Variants in ZDHHC2 observed in about 807,000 individuals in gnomAD.
The protein encoded by ZDHHC2 is palmitoyltransferase ZDHHC2.
A neutral mutation model predicts 55.6 loss-of-function variants in ZDHHC2; 51 were observed. The ratio of observed to expected loss-of-function variants is 0.92; its 90% CI spans 0.73 to 1.16. ZDHHC2 has a LOEUF of 1.16. ZDHHC2 is among the 50% of genes most tolerant of loss of function. ZDHHC2 has a pLI of 0.00. For synonymous variants in ZDHHC2, 199 were observed against 152.9 expected, an observed-to-expected ratio of 1.30 and a Z score of -2.22; for missense variants, 491 against 442.4, an observed-to-expected ratio of 1.11 and a Z score of -0.99.
At chr8:17,184,691 GA>G in intron 1 of ZDHHC2, 97 bp from the exon 2 acceptor site, 1 of 973,056 alleles carries the variant, frequency 1.0e-6, no homozygotes, top group Non-Finnish European at 1.5e-6. Flanking sequence ...GGTTTGAAGG[GA>G]AGCCACATTA....
intron 6 of ZDHHC2, among the ~76,000 whole-genome samples, chr8:17,204,057 C>T (rs779488345): frequency 2.7e-4 from 41 of 152,192 alleles, no homozygotes; most frequent in Non-Finnish European, 3.2e-4. Flanking sequence ...CTGCCTGCCT[C>T]GGCCACCCAA....
intron 3 of ZDHHC2, among the ~76,000 whole-genome samples, chr8:17,189,504 A>G (rs1401636957): frequency 6.6e-6 from 1 of 152,208 alleles, no homozygotes; most frequent in Non-Finnish European, 1.5e-5. Context: ...GGTACTCAAG[A>G]GATACTTTTT....
chr8:17,170,558 C>G (rs371478668), intron 1 of ZDHHC2, among the ~76,000 whole-genome samples: 1 of 152,180 alleles, frequency 6.6e-6, no homozygotes. Context: ...TCATATAGTA[C>G]TCAACATATA....
chr8:17,163,292 G>A lies in ZDHHC2; in HGVS notation c.130+6439G>A, dbSNP rs140359713. ...CCAGCCTGGTAACAGCGGGTCCAGT[G>A]TTCCAGCCTGGGCAGTGTCCAGCTG... On this transcript the variant is annotated intron_variant, in intron 1 of 12. Coordinates refer to ENST00000262096, the MANE Select transcript of ZDHHC2 (RefSeq NM_016353.5). Among the ~76,000 whole-genome samples, 6 of 152,294 alleles carry A rather than the reference G, an allele frequency of 3.9e-5. No homozygotes were observed. In the East Asian group the frequency reaches 1.2e-3, roughly 30 times the overall value.
Position 17,195,562 on chromosome 8 carries a change from A to G in ZDHHC2, c.311A>G (p.His104Arg), listed in dbSNP as rs1563158164. The change falls in exon 4 of 13, where the codon CAT becomes CGT. Residue 104 changes from histidine (H) to arginine (R), a missense_variant. Transcript: ENST00000262096. ...LLEREPRGEA[H>R]QEVLRRAAKD... ...GAGAGAGAGCCAAGAGGAGAAGCCCATCAGGAAGTTCTTAGGCGAGCAGCC... is the reference window on the plus strand; with the variant it reads ...GAGAGAGAGCCAAGAGGAGAAGCCCGTCAGGAAGTTCTTAGGCGAGCAGCC... 3 of 1,613,968 alleles carry G rather than the reference A, an allele frequency of 1.9e-6. No homozygotes were observed. The highest frequency in any genetic ancestry group is 3.3e-4 in the Middle Eastern group (2 of 6,062).
At chr8:17,166,614 A>G (rs565966817) in intron 1 of ZDHHC2, among the ~76,000 whole-genome samples, 3 of 152,334 alleles carry the variant, frequency 2.0e-5, no homozygotes, top group Admixed American at 2.0e-4. Context: ...GTAAATGAGC[A>G]GAGAAATGGA....
rs1403371942 is a variant in ZDHHC2 at position 17,207,970 on chromosome 8, C to G, written c.608C>G (p.Pro203Arg). Residue 203 changes from proline (P) to arginine (R), a missense_variant, in exon 8 of 13, where the codon CCT becomes CGT. Coordinates refer to ENST00000262096, the MANE Select transcript of ZDHHC2 (RefSeq NM_016353.5). ...TTCCTTTCTTTATAGAATGGCCTAC[C>G]TGATACTCAAGCCAAGTTCCATATT... is the stretch of plus-strand genomic sequence containing the variant. ...YFIKFWTNGLPDTQAKFHIMF... is the reference protein window; with the variant it reads ...YFIKFWTNGLRDTQAKFHIMF... 2 of 1,567,870 alleles carry G rather than the reference C, an allele frequency of 1.3e-6. No individual in the cohort carries two copies. Among genetic ancestry groups the G allele is most frequent in the South Asian group, 2.4e-5 (2 of 83,256 alleles).
chr8:17,195,550 G>A lies in ZDHHC2; in HGVS notation c.299G>A (p.Arg100Lys), dbSNP rs547677098. The change falls in exon 4 of 13, where the codon AGA (arginine) becomes AAA (lysine). Residue 100 changes from arginine to lysine, a missense_variant. Physicochemically the swap from Arg to Lys is conservative, Grantham distance 26. Transcript: ENST00000262096. ...AAAGATTTGTTGGAGAGAGAGCCAA[G>A]AGGAGAAGCCCATCAGGAAGTTCTT... ...AEKDLLEREP[R>K]GEAHQEVLRR... 6.2e-7 allele frequency: 1 copy of A among 1,613,894 alleles called. No homozygotes were observed. Among genetic ancestry groups the A allele is most frequent in the East Asian group, 2.2e-5 (1 of 44,866 alleles).
At chr8:17,180,449 G>A (rs1181853668) in intron 1 of ZDHHC2, among the ~76,000 whole-genome samples, 3 of 151,948 alleles carry the variant, frequency 2.0e-5, no homozygotes, top group African/African-American at 7.3e-5. Flanking sequence ...TCAACATTTT[G>A]CATTTATTTC....
chr8:17,167,404 C>G (rs1308118604), intron 1 of ZDHHC2, among the ~76,000 whole-genome samples: 1 of 145,208 alleles, frequency 6.9e-6, no homozygotes, highest in Non-Finnish European at 1.5e-5. Flanking sequence ...CTCCCGAGTT[C>G]AAGTAATTCT....
intron 12 of ZDHHC2, among the ~76,000 whole-genome samples, chr8:17,219,942 C>T (rs1385596152): frequency 6.6e-6 from 1 of 152,144 alleles, no homozygotes; most frequent in African/African-American, 2.4e-5. Context: ...CACATTGAAG[C>T]CCCAAACCAG....
chr8:17,210,053 T>A lies in ZDHHC2; in HGVS notation c.852T>A (p.Phe284Leu). ...AGAAGTACTGGTTGCTACCCATTTT[T>A]TCAAGGTACTTCTTTGTTAAAATTT... ...DEKKYWLLPI[F>L]SSLGDGCSFP... The change falls in exon 9 of 13, where the codon TTT becomes TTA. Residue 284 changes from phenylalanine (F) to leucine (L), a missense_variant. Transcript: ENST00000262096. 6.3e-7 allele frequency: 1 copy of A among 1,595,764 alleles called. No homozygotes were observed. Among genetic ancestry groups the A allele is most frequent in the Non-Finnish European group, 8.5e-7 (1 of 1,170,424 alleles).
rs1336294977 is a variant in ZDHHC2, at chr8:17,223,049, AAATT to A, written c.*2830_*2833del. On this transcript the variant is annotated 3_prime_UTR_variant, in exon 13 of 13. Transcript: ENST00000262096. The stretch of plus-strand genomic sequence containing the variant: ...CAAAGATATAAATCATGTTTATAAA[AAATT>A]AGGCACGCAATCATGTGATTCATGC... 1.3e-5 allele frequency: 2 copies of A among 151,928 alleles called. No individual in the cohort carries two copies. The highest frequency in any genetic ancestry group is 4.8e-5 in the African/African-American group (2 of 41,446). The allele number at this position is 151,928 out of a possible 1,614,324, so 9.4% of individuals were successfully genotyped here.
chr8:17,213,147 CTTTA>C (rs1381834566), intron 10 of ZDHHC2, among the ~76,000 whole-genome samples: 5 of 152,130 alleles, frequency 3.3e-5, no homozygotes, highest in East Asian at 1.9e-4. Context: ...TGTGTCTTCT[CTTTA>C]TTTATATTCT....
chr8:17,196,785 A>G (rs1450032721), intron 4 of ZDHHC2, among the ~76,000 whole-genome samples: 2 of 151,978 alleles, frequency 1.3e-5, no homozygotes, highest in Non-Finnish European at 2.9e-5. Context: ...GCATGCCTGT[A>G]GTCCCAGCTA....
chr8:17,199,476 TTC>T (rs1563160955), intron 6 of ZDHHC2, among the ~76,000 whole-genome samples: 2 of 33,134 alleles, frequency 6.0e-5, no homozygotes, highest in East Asian at 1.1e-3. Flanking sequence ...CTTCTTCTTC[TTC>T]TTCTTCTTCT....
At chr8:17,197,672 T>C (rs1806390240) in intron 5 of ZDHHC2, 21 bp downstream of exon 5, 1 of 1,600,374 alleles carries the variant, frequency 6.2e-7, no homozygotes, top group Non-Finnish European at 8.5e-7. Flanking sequence ...CTTTAACTTC[T>C]AAAATATCTA....
At chr8:17,170,578 C>T (rs1044533911) in intron 1 of ZDHHC2, among the ~76,000 whole-genome samples, 2 of 152,156 alleles carry the variant, frequency 1.3e-5, no homozygotes, top group African/African-American at 2.4e-5. Flanking sequence ...AGCTGCTAAC[C>T]CTGCTAGATG....
chr8:17,197,714 C>G (rs1326407267), intron 5 of ZDHHC2, 63 bp downstream of exon 5: 3 of 1,471,546 alleles, frequency 2.0e-6, no homozygotes, highest in Non-Finnish European at 2.8e-6. Flanking sequence ...CATTATGTTT[C>G]TTTTCTCACT....
Sources: allele counts gnomAD v4.1 joint callset (sites outside exome capture counted in the v4.1 genomes callset), GRCh38; gene constraint gnomAD v4.1.1; transcripts MANE v1.5; gene names NCBI Gene and HGNC (gene_info 2026-07-23, HGNC 2026-07-21).